The following DHX30 variants were observed in gnomAD, a reference collection of about 807,000 sequenced individuals.
The protein encoded by DHX30 is DExH-box helicase 30.
In DHX30, 4 loss-of-function variants were observed where a neutral mutation model predicts 116.9. The ratio of observed to expected loss-of-function variants is 0.03; its 90% CI spans 0.02 to 0.08. The LOEUF is 0.08. Ranked by LOEUF, DHX30 falls within the 10% of genes least tolerant of loss-of-function variation. The pLI is 1.00. For synonymous variants in DHX30, 697 were observed against 651.7 expected, an observed-to-expected ratio of 1.07 and a Z score of -1.06; for missense variants, 871 against 1,595.1, an observed-to-expected ratio of 0.55 and a Z score of 7.73.
At position 47,807,426 on chromosome 3, in the gene DHX30, G is replaced by A. The variant is rs554667665; in HGVS notation, c.-28+2006G>A. 2.4e-4 allele frequency among the ~76,000 whole-genome samples: 37 copies of A among 151,760 alleles called. No individual in the cohort carries two copies. The South Asian group carries it at 4.2e-3, about 17-fold the overall frequency. The stretch of plus-strand genomic sequence containing the variant: ...GGACTTTTAAAAAGCAAAACTGGCC[G>A]GGCACGGTGGCTCATGCCTGTAATC... On this transcript the variant is annotated intron_variant, in intron 2 of 21. Coordinates refer to ENST00000445061, the MANE Select transcript of DHX30 (RefSeq NM_138615.3).
Position 47,849,196 on chromosome 3 carries a change from C to T in DHX30, c.2934C>T (p.Leu978=). The T allele has an allele frequency of 1.9e-6, 3 of 1,613,962 alleles. No homozygotes were observed. The highest frequency in any genetic ancestry group is 2.5e-6 in the Non-Finnish European group (3 of 1,179,946). Residue 978 remains leucine, a synonymous_variant, in exon 19 of 22, where the codon CTC becomes CTT. Transcript: ENST00000445061. ...CCACACATTCTGTCTCCCTAGGACT[C>T]ATCAAGCAGTTCTCAGAGAACATTT... ...YAPSLRFIHG[L]IKQFSENIYE... is the part of the protein sequence containing the mutation.
rs1392506713 is a variant in DHX30 at position 47,849,534 on chromosome 3, G to A, written c.3171G>A (p.Leu1057=). ...TYRTKSGNIL[L]HKSTINREAT... ...GGACCAAATCAGGCAACATCCTGCT[G>A]CACAAGTCGACCATTAACAGGTGAG... Residue 1057 remains leucine (L), a synonymous_variant, in exon 20 of 22, where the codon CTG becomes CTA. Transcript: ENST00000445061. 1.2e-6 allele frequency: 2 copies of A among 1,608,956 alleles called. No individual in the cohort carries two copies. The highest frequency in any genetic ancestry group is 1.7e-6 in the Non-Finnish European group (2 of 1,175,944).
chr3:47,827,579 G>T, intron 5 of DHX30, 102 bp downstream of exon 5: 2 of 1,447,890 alleles, frequency 1.4e-6, no homozygotes, highest in Non-Finnish European at 1.9e-6. Context: ...CATAGAATGG[G>T]TTTCCTGAAT....
intron 4 of DHX30, among the ~76,000 whole-genome samples, chr3:47,825,455 C>G (rs945811592): frequency 1.3e-5 from 2 of 152,180 alleles, no homozygotes; most frequent in Non-Finnish European, 2.9e-5. Flanking sequence ...GTACCTGCTC[C>G]CGGCAAGAAT....
chr3:47,828,814 A>G (rs2036669088), intron 5 of DHX30, among the ~76,000 whole-genome samples: 1 of 152,036 alleles, frequency 6.6e-6, no homozygotes, highest in African/African-American at 2.4e-5. Context: ...CTTGGGGTAG[A>G]ACAGATTGTT....
chr3:47,821,655 A>G (rs925459271), intron 4 of DHX30, among the ~76,000 whole-genome samples: 2 of 151,466 alleles, frequency 1.3e-5, no homozygotes, highest in Non-Finnish European at 2.9e-5. Flanking sequence ...CTGGAGTGCA[A>G]TGGCGCAATG....
intron 6 of DHX30, among the ~76,000 whole-genome samples, chr3:47,830,020 TG>T (rs2036769078): frequency 1.3e-5 from 2 of 151,216 alleles, no homozygotes; most frequent in South Asian, 4.2e-4. Flanking sequence ...TTAGTAGAGA[TG>T]GGGTTTCAAC....
chr3:47,816,695 G>A (rs2036074775), intron 3 of DHX30: 2 of 985,598 alleles, frequency 2.0e-6, no homozygotes, highest in South Asian at 9.4e-5. Flanking sequence ...GGCAGTTACC[G>A]AGGAAGCCCA....
chr3:47,837,651 C>T (rs574263334), intron 6 of DHX30, among the ~76,000 whole-genome samples: 7 of 152,200 alleles, frequency 4.6e-5, no homozygotes, highest in Non-Finnish European at 1.0e-4. Context: ...ATCCCAGCTA[C>T]ACAGGAAGCT....
chr3:47,817,615 C>G (rs1286660600), intron 3 of DHX30, among the ~76,000 whole-genome samples: 2 of 152,144 alleles, frequency 1.3e-5, no homozygotes, highest in Non-Finnish European at 2.9e-5. Flanking sequence ...CTGGGGAACG[C>G]ATAGCAAAGG....
At chr3:47,838,974 A>C (rs777721370) in intron 6 of DHX30, among the ~76,000 whole-genome samples, 2 of 151,954 alleles carry the variant, frequency 1.3e-5, no homozygotes, top group Non-Finnish European at 2.9e-5. Flanking sequence ...GTAGGCCTCA[A>C]GTGATCCTCT....
intron 9 of DHX30, chr3:47,845,490 A>G (rs889379817): frequency 2.8e-5 from 15 of 545,192 alleles, no homozygotes; most frequent in African/African-American, 2.1e-4. Context: ...CCCGGCCTGA[A>G]TTAACTTTAG....
Position 47,849,884 on chromosome 3 carries a change from A to G in DHX30, c.3349A>G (p.Thr1117Ala), listed in dbSNP as rs1490154371. ...TCCCTCAGATGACGGGCGCCGGGCCACCATCTCACTGAGCGACAGTGACCT... is the reference window on the plus strand; with the variant it reads ...TCCCTCAGATGACGGGCGCCGGGCCGCCATCTCACTGAGCGACAGTGACCT... Reference protein sequence around the residue: ...VHIRDDGRRATISLSDSDLLR... With the variant: ...VHIRDDGRRAAISLSDSDLLR... The change falls in exon 22 of 22, where the codon ACC becomes GCC. Residue 1117 changes from threonine to alanine, a missense_variant. Coordinates refer to ENST00000445061, the MANE Select transcript of DHX30 (RefSeq NM_138615.3). The G allele has an allele frequency of 1.2e-6, 2 of 1,612,790 alleles. No individual in the cohort carries two copies. The highest frequency in any genetic ancestry group is 1.7e-6 in the Non-Finnish European group (2 of 1,179,188).
rs1362518364 is a variant in DHX30, at chr3:47,841,053, A to G, written c.543A>G (p.Leu181=). The change falls in exon 7 of 22, where the codon CTA becomes CTG. Residue 181 remains leucine (L), a synonymous_variant. Transcript: ENST00000445061. ...TTCGACCAGGGGGACCTGGGGGCCT[A>G]TCCCGCTCTTTAGGCCGGGAAGAAG... The part of the protein sequence containing the change: ...ESIRPGGPGG[L]SRSLGREEEE... The G allele has an allele frequency of 1.2e-6, 2 of 1,614,066 alleles. No homozygotes were observed. The highest frequency in any genetic ancestry group is 2.2e-5 in the East Asian group (1 of 44,892).
chr3:47,849,723 C>T lies in DHX30; in HGVS notation c.3285C>T (p.His1095=), dbSNP rs758053796. The T allele has an allele frequency of 6.2e-6, 10 of 1,613,956 alleles. No individual in the cohort carries two copies. In the Admixed American group the frequency reaches 1.5e-4, roughly 24 times the overall value. The change falls in exon 21 of 22, where the codon CAC becomes CAT. Residue 1095 remains histidine (H), a synonymous_variant. Coordinates refer to ENST00000445061, the MANE Select transcript of DHX30 (RefSeq NM_138615.3). ...TCGTCCGGGACTCCTCTCAGGTGCACCCGCTAGCTGTGCTGCTGCTGACCG... is the reference window on the plus strand; with the variant it reads ...TCGTCCGGGACTCCTCTCAGGTGCATCCGCTAGCTGTGCTGCTGCTGACCG... The part of the protein sequence containing the change: ...SVFVRDSSQV[H]PLAVLLLTDG...
chr3:47,825,871 A>G (rs1339595110), intron 4 of DHX30: 1 of 151,490 alleles, frequency 6.6e-6, no homozygotes, highest in Non-Finnish European at 1.5e-5. Flanking sequence ...GTCCACTTAG[A>G]TATGGTTTCT....
chr3:47,836,754 C>T (rs888375224), intron 6 of DHX30, among the ~76,000 whole-genome samples: 3 of 151,958 alleles, frequency 2.0e-5, no homozygotes, highest in Non-Finnish European at 4.4e-5. Context: ...CCTGACCTCG[C>T]GATCTGCCTG....
At chr3:47,825,099 GCTGGGTCCCCGC>G (rs1266590780) in intron 4 of DHX30, 4 of 671,084 alleles carry the variant, frequency 6.0e-6, no homozygotes, top group Non-Finnish European at 1.1e-5. Flanking sequence ...GCCTGCAGCC[GCTGGGTCCCCGC>G]GCTGCTGGGC....
Position 47,847,610 on chromosome 3 carries a change from G to A in DHX30, c.2110+74G>A. 4.1e-6 allele frequency: 6 copies of A among 1,468,670 alleles called. No homozygotes were observed. Among genetic ancestry groups the A allele is most frequent in the Non-Finnish European group, 5.5e-6 (6 of 1,095,814 alleles). The allele number at this position is 1,468,670 out of a possible 1,614,324, so 91.0% of individuals were successfully genotyped here. On this transcript the variant is annotated intron_variant, in intron 13 of 21. Coordinates refer to ENST00000445061, the MANE Select transcript of DHX30 (RefSeq NM_138615.3). The surrounding 1 kb of genome is among the most constrained non-coding windows in gnomAD (Gnocchi z 5.5). ...CTCTGTCCTAGGGACTGACCCAACT[G>A]GGACTCCAGGGGCCCCGGTTTCTGA...
Sources: gnomAD v4.1 joint callset for allele counts (sites outside exome capture counted in the v4.1 genomes callset) on GRCh38, gnomAD v4.1.1 for gene constraint, Gnocchi (gnomAD v3.1) non-coding constraint, MANE v1.5 for transcripts, NCBI Gene and HGNC (gene_info 2026-07-23, HGNC 2026-07-21) for gene names.